Variants in AKAP3 observed in about 807,000 individuals in gnomAD.
The protein encoded by AKAP3 is A-kinase anchoring protein 3, also known as A-kinase anchor protein 3.
In AKAP3, 27 loss-of-function variants were observed where a neutral mutation model predicts 57.2. That is an observed-to-expected ratio of 0.47 (90% CI 0.35 to 0.65). The LOEUF is 0.65. Among genes scored for constraint, AKAP3 ranks in the 30% least tolerant of loss-of-function variants. The pLI, the probability that AKAP3 is intolerant of heterozygous loss-of-function variation, is 0.01. For missense variants in AKAP3, 959 were observed against 1,040.0 expected, an observed-to-expected ratio of 0.92 and a Z score of 1.07; for synonymous variants, 334 against 392.3, an observed-to-expected ratio of 0.85 and a Z score of 1.76.
intron 1 of AKAP3, chr12:4,647,999 T>C (rs1945719664): frequency 6.6e-6 from 1 of 152,158 alleles, no homozygotes; most frequent in Admixed American, 6.5e-5. Context: ...GATTACCAAG[T>C]CTAGAAAGAA....
chr12:4,632,137 T>C (rs1308456614), intron 4 of AKAP3, among the ~76,000 whole-genome samples: 1 of 152,236 alleles, frequency 6.6e-6, no homozygotes, highest in African/African-American at 2.4e-5. Flanking sequence ...GATATGTAAA[T>C]CATTTCTAAG....
Position 4,627,315 on chromosome 12 carries a change from C to G in AKAP3, c.1587G>C (p.Val529=). ...DSDSWAEDLI[V]SALLLIQYHL... ...GATATTGAATCAGAAGCAGGGCAGA[C>G]ACGATCAGGTCCTCGGCCCAGGAGT... Residue 529 remains valine (V), a synonymous_variant, in exon 5 of 6, where the codon GTG becomes GTC. Coordinates refer to ENST00000228850, the MANE Select transcript of AKAP3 (RefSeq NM_001278309.2). 6.2e-7 allele frequency: 1 copy of G among 1,614,022 alleles called. No individual in the cohort carries two copies. The highest frequency in any genetic ancestry group is 1.1e-5 in the South Asian group (1 of 91,070).
chr12:4,624,826 A>ATG, intron 5 of AKAP3, among the ~76,000 whole-genome samples: 2 of 14,824 alleles, frequency 1.3e-4, no homozygotes, highest in African/African-American at 4.6e-4. Flanking sequence ...GTGTGTGTGT[A>ATG]TATAAAAGTG....
At chr12:4,638,054 A>T (rs1463125714) in intron 4 of AKAP3, 47 bp downstream of exon 4, 1 of 1,431,868 alleles carries the variant, frequency 7.0e-7, no homozygotes, top group Non-Finnish European at 9.9e-7. Context: ...TCTTAATGAC[A>T]GCCCCCATAT....
At chr12:4,639,208 CTG>C (rs146545568) in intron 3 of AKAP3, among the ~76,000 whole-genome samples, 2,646 of 152,238 alleles carry the variant, frequency 0.017, 79 homozygotes, top group South Asian at 0.11. Flanking sequence ...CTCATGATGA[CTG>C]AGAGTTATCC....
intron 3 of AKAP3, 31 bp from the exon 4 acceptor site, chr12:4,638,227 T>A: frequency 6.8e-7 from 1 of 1,472,616 alleles, no homozygotes; most frequent in Non-Finnish European, 9.4e-7. Context: ...TGAGAAAGGG[T>A]CATCACAAGG....
intron 5 of AKAP3, among the ~76,000 whole-genome samples, chr12:4,620,474 C>CA (rs35307509): frequency 0.59 from 48,768 of 82,748 alleles, 14,667 homozygotes; most frequent in Non-Finnish European, 0.67. Flanking sequence ...GAGACTGTCT[C>CA]AAAAAAAAAA....
At chr12:4,643,857 T>A (rs1945666516) in intron 2 of AKAP3, among the ~76,000 whole-genome samples, 1 of 152,216 alleles carries the variant, frequency 6.6e-6, no homozygotes, top group Non-Finnish European at 1.5e-5. Flanking sequence ...TACCCAAGGT[T>A]CCTAAACTCA....
chr12:4,628,673 G>A lies in AKAP3; in HGVS notation c.229C>T (p.Pro77Ser). 1 of 1,614,164 alleles carries A rather than the reference G, an allele frequency of 6.2e-7. No individual in the cohort carries two copies. Among genetic ancestry groups the A allele is most frequent in the Non-Finnish European group, 8.5e-7 (1 of 1,180,016 alleles). Residue 77 changes from proline (P) to serine (S), a missense_variant, in exon 5 of 6, where the codon CCA becomes TCA. Pro to Ser is a moderately conservative substitution (Grantham distance 74). Coordinates refer to ENST00000228850, the MANE Select transcript of AKAP3 (RefSeq NM_001278309.2). ...FGGETSNSGD[P>S]HKGFSVDYYN... ...TAGTCTACAGAGAAACCTTTGTGTGGGTCTCCTGAGTTGGACGTTTCCCCA... is the reference window on the plus strand; with the variant it reads ...TAGTCTACAGAGAAACCTTTGTGTGAGTCTCCTGAGTTGGACGTTTCCCCA...
chr12:4,624,171 A>AATATATAAAAC (rs1176460224), intron 5 of AKAP3, among the ~76,000 whole-genome samples: 1 of 152,198 alleles, frequency 6.6e-6, no homozygotes, highest in African/African-American at 2.4e-5. Flanking sequence ...GGAGGGGTTA[A>AATATATAAAAC]ATATATAAAA....
chr12:4,639,974 G>A (rs10849113), intron 3 of AKAP3, among the ~76,000 whole-genome samples: 13,581 of 151,904 alleles, frequency 0.089, 742 homozygotes, highest in South Asian at 0.15. Flanking sequence ...CTGCCACAAC[G>A]CCCAGCTAAT....
chr12:4,631,202 A>T (rs2137437277), intron 4 of AKAP3: 1 of 537,718 alleles, frequency 1.9e-6, no homozygotes, highest in South Asian at 2.6e-5. Context: ...TGGAAATTTG[A>T]TTTTATGTCT....
At chr12:4,620,634 T>A (rs1945336316) in intron 5 of AKAP3, among the ~76,000 whole-genome samples, 1 of 152,154 alleles carries the variant, frequency 6.6e-6, no homozygotes, top group Non-Finnish European at 1.5e-5. Context: ...ACTGTACATA[T>A]GATGGTGGTT....
chr12:4,637,644 G>A (rs1199121397), intron 4 of AKAP3, among the ~76,000 whole-genome samples: 1 of 152,182 alleles, frequency 6.6e-6, no homozygotes, highest in Non-Finnish European at 1.5e-5. Context: ...TTTAATACAT[G>A]TTTGTTGAAT....
intron 1 of AKAP3, chr12:4,647,866 T>TA (rs72516374): frequency 8.5e-6 from 1 of 118,184 alleles, no homozygotes; most frequent in East Asian, 2.3e-4. Context: ...AGGGGCAAGA[T>TA]AGAGTGGAAA....
chr12:4,638,998 C>G (rs948028540), intron 3 of AKAP3, among the ~76,000 whole-genome samples: 11 of 152,220 alleles, frequency 7.2e-5, no homozygotes, highest in African/African-American at 2.7e-4. Context: ...TTCCCTCTAG[C>G]TACTATTTCT....
chr12:4,615,798 C>T lies in AKAP3; in HGVS notation c.2503G>A (p.Glu835Lys), dbSNP rs1591813326. 1 of 1,614,230 alleles carries T rather than the reference C, an allele frequency of 6.2e-7. No homozygotes were observed. Among genetic ancestry groups the T allele is most frequent in the African/African-American group, 1.3e-5 (1 of 75,064 alleles). ...AGCGGTGTGACATTCCCCACCGCCT[C>T]ATTCAGCTGGCGCTCCTTCTCATAG... ...LRYEKERQLN[E>K]AVGNVTPLQL... The change falls in exon 6 of 6, where the codon GAG (glutamate) becomes AAG (lysine). Residue 835 changes from glutamate (E) to lysine (K), a missense_variant. By Grantham distance (56) the Glu-to-Lys change is moderately conservative. Transcript: ENST00000228850.
chr12:4,632,396 T>C (rs1383447769), intron 4 of AKAP3, among the ~76,000 whole-genome samples: 4 of 152,152 alleles, frequency 2.6e-5, no homozygotes, highest in African/African-American at 7.2e-5. Context: ...CTCACCCTAG[T>C]TTTTTTGTGA....
In AKAP3 at chr12:4,628,506, C is replaced by A; in HGVS notation, c.396G>T (p.Thr132=). ...TGCGGGCCATGGCTATGACTAGATT[C>A]GTGAGGCGGTTAGCATAGAAGGAAA... ...DEVSFYANRL[T]NLVIAMARKE... Residue 132 remains threonine (T), a synonymous_variant, in exon 5 of 6, where the codon ACG becomes ACT. Coordinates refer to ENST00000228850, the MANE Select transcript of AKAP3 (RefSeq NM_001278309.2). 1 of 1,614,216 alleles carries A rather than the reference C, an allele frequency of 6.2e-7. No homozygotes were observed. The highest frequency in any genetic ancestry group is 2.2e-5 in the East Asian group (1 of 44,892).
Sources: allele counts gnomAD v4.1 joint callset (sites outside exome capture counted in the v4.1 genomes callset), GRCh38; gene constraint gnomAD v4.1.1; transcripts MANE v1.5; gene names NCBI Gene and HGNC (gene_info 2026-07-23, HGNC 2026-07-21).